RIMS1: variants seen among roughly 807,000 people sequenced by gnomAD.
The protein encoded by RIMS1 is regulating synaptic membrane exocytosis protein 1.
Under a neutral mutation model 214.1 loss-of-function variants are expected in RIMS1, and 83 were observed. That is an observed-to-expected ratio of 0.39 (90% CI 0.32 to 0.47). The LOEUF is 0.47. RIMS1 is among the 20% of genes least tolerant of loss of function. The pLI, the probability that RIMS1 is intolerant of heterozygous loss-of-function variation, is 0.99. For synonymous variants in RIMS1, 793 were observed against 786.8 expected (o/e 1.01, Z -0.13); for missense variants, 2,050 against 2,161.8 (o/e 0.95, Z 1.03).
intron 29 of RIMS1, among the ~76,000 whole-genome samples, chr6:72,372,784 C>T (rs942901443): frequency 6.6e-6 from 1 of 152,108 alleles, no homozygotes; most frequent in East Asian, 1.9e-4. Flanking sequence ...ATATGGCTGC[C>T]GCCAGGTTGC....
At chr6:72,234,933 A>G (rs995074276) in intron 7 of RIMS1, among the ~76,000 whole-genome samples, 1 of 151,934 alleles carries the variant, frequency 6.6e-6, no homozygotes, top group Non-Finnish European at 1.5e-5. Flanking sequence ...ACTGAATAAT[A>G]TTTTTGTCTG....
chr6:72,151,340 C>T (rs2043554560), intron 4 of RIMS1, among the ~76,000 whole-genome samples: 1 of 152,174 alleles, frequency 6.6e-6, no homozygotes, highest in Admixed American at 6.5e-5. Context: ...CTGTACCCGG[C>T]CCATATATTC....
chr6:71,886,995 C>T lies in RIMS1; in HGVS notation c.-29C>T, dbSNP rs746483940. The T allele has an allele frequency of 1.2e-6, 2 of 1,606,512 alleles. No individual in the cohort carries two copies. The highest frequency in any genetic ancestry group is 2.2e-5 in the South Asian group (2 of 90,100). ...CATCCGAAAGGTGAGAGCCAGAGAG[C>T]GAGCAGAGGGGGCGGGCAGGCCACG... On this transcript the variant is annotated 5_prime_UTR_variant, in exon 1 of 34. Transcript: ENST00000521978.
chr6:72,371,165 T>C (rs536627039), intron 29 of RIMS1, among the ~76,000 whole-genome samples: 2 of 152,338 alleles, frequency 1.3e-5, no homozygotes, highest in South Asian at 4.1e-4. Context: ...TGTGTATGTG[T>C]GCTGTGTGTG....
chr6:72,247,203 T>G (rs914676972), intron 11 of RIMS1, among the ~76,000 whole-genome samples: 33 of 152,070 alleles, frequency 2.2e-4, no homozygotes, highest in African/African-American at 7.2e-4. Flanking sequence ...CTCCTCCATG[T>G]GAAGTTGAAA....
chr6:72,067,060 T>C (rs1269703822), intron 2 of RIMS1, among the ~76,000 whole-genome samples: 1 of 152,156 alleles, frequency 6.6e-6, no homozygotes. Flanking sequence ...AACCCCATCT[T>C]CTTCACCAGA....
chr6:72,347,296 G>T (rs12212516), intron 29 of RIMS1, among the ~76,000 whole-genome samples: 13,191 of 151,876 alleles, frequency 0.087, 720 homozygotes, highest in South Asian at 0.14. Context: ...TTCAGTGATT[G>T]TATCCCAGTA....
intron 6 of RIMS1, among the ~76,000 whole-genome samples, chr6:72,222,884 A>T (rs2058957460): frequency 6.6e-6 from 1 of 152,184 alleles, no homozygotes; most frequent in African/African-American, 2.4e-5. Flanking sequence ...GCACTCCTTA[A>T]CACAATTATG....
intron 1 of RIMS1, among the ~76,000 whole-genome samples, chr6:71,920,850 G>C (rs1461265895): frequency 6.6e-6 from 1 of 152,138 alleles, no homozygotes; most frequent in Non-Finnish European, 1.5e-5. Flanking sequence ...GAAAGAGAAA[G>C]GTACCCACTG....
intron 2 of RIMS1, among the ~76,000 whole-genome samples, chr6:72,034,801 C>T (rs1360259032): frequency 2.0e-5 from 3 of 152,044 alleles, no homozygotes; most frequent in African/African-American, 7.2e-5. Context: ...TCTTCCAGCT[C>T]TCAGTCTGAT....
chr6:72,216,726 G>T, intron 6 of RIMS1: 1 of 986,056 alleles, frequency 1.0e-6, no homozygotes, highest in Non-Finnish European at 1.2e-6. Context: ...GGAACAAGAT[G>T]AGCTCCTGAA....
chr6:72,379,910 G>T (rs1402625106), intron 29 of RIMS1, among the ~76,000 whole-genome samples: 2 of 152,140 alleles, frequency 1.3e-5, no homozygotes, highest in Non-Finnish European at 2.9e-5. Flanking sequence ...GTTGAGATTG[G>T]ATAGGAGGAA....
intron 6 of RIMS1, among the ~76,000 whole-genome samples, chr6:72,200,544 C>T (rs143701937): frequency 6.6e-6 from 1 of 152,278 alleles, no homozygotes; most frequent in East Asian, 1.9e-4. Context: ...GACAATTGGA[C>T]AGGTTGACAT....
At chr6:72,078,677 C>G (rs948328645) in intron 2 of RIMS1, among the ~76,000 whole-genome samples, 1 of 151,636 alleles carries the variant, frequency 6.6e-6, no homozygotes, top group African/African-American at 2.4e-5. Flanking sequence ...AAAACAAACA[C>G]AAAAAAACAA....
In RIMS1 at chr6:72,212,267, A is replaced by G. The variant is rs186093540; in HGVS notation, c.1679-21506A>G. On this transcript the variant is annotated intron_variant, in intron 6 of 33. Coordinates refer to ENST00000521978, the MANE Select transcript of RIMS1 (RefSeq NM_014989.7). ...CATTTATCAGAAGGTACAGCTCTTC[A>G]TATTTCAGAAATGTGTATTAGTTTT... Among the ~76,000 whole-genome samples, 3 of 151,622 alleles carry G rather than the reference A, an allele frequency of 2.0e-5. No individual in the cohort carries two copies. In the East Asian group the frequency reaches 5.8e-4, roughly 29 times the overall value.
At chr6:71,941,752 T>C (rs1029285609) in intron 1 of RIMS1, among the ~76,000 whole-genome samples, 1 of 152,198 alleles carries the variant, frequency 6.6e-6, no homozygotes, top group Admixed American at 6.5e-5. Context: ...GCTTGAATTG[T>C]CTGCTTGGTT....
At chr6:72,258,381 C>A in intron 17 of RIMS1, 100 bp downstream of exon 17, 4 of 1,231,748 alleles carry the variant, frequency 3.2e-6, no homozygotes, top group South Asian at 3.8e-5. Flanking sequence ...ATAGTTTGGT[C>A]AAATTATTTT....
intron 1 of RIMS1, among the ~76,000 whole-genome samples, chr6:71,917,083 C>T (rs926118370): frequency 6.6e-6 from 1 of 152,086 alleles, no homozygotes; most frequent in Non-Finnish European, 1.5e-5. Context: ...TTTAACCTCT[C>T]TGTGCTTGTT....
intron 6 of RIMS1, among the ~76,000 whole-genome samples, chr6:72,192,356 G>A (rs1016161694): frequency 3.3e-4 from 51 of 152,304 alleles, no homozygotes; most frequent in African/African-American, 1.1e-3. Flanking sequence ...TCTCCCTGGG[G>A]AAGGATAGGA....
Sources: allele counts gnomAD v4.1 joint callset (sites outside exome capture counted in the v4.1 genomes callset), GRCh38; gene constraint gnomAD v4.1.1; transcripts MANE v1.5; gene names NCBI Gene and HGNC (gene_info 2026-07-23, HGNC 2026-07-21).